SERPINI2: variants seen among roughly 807,000 people sequenced by gnomAD.
The protein encoded by SERPINI2 is serpin I2.
Under a neutral mutation model 47.3 loss-of-function variants are expected in SERPINI2, and 48 were observed. The ratio of observed to expected loss-of-function variants is 1.02; its 90% confidence interval spans 0.81 to 1.29. The LOEUF (loss-of-function observed/expected upper bound fraction) is 1.29. Among genes scored for constraint, SERPINI2 ranks in the 50% most tolerant of loss-of-function variants. The pLI, the probability that SERPINI2 is intolerant of heterozygous loss-of-function variation, is 0.00. For missense variants in SERPINI2, 448 were observed against 456.9 expected (o/e 0.98, Z 0.18); for synonymous variants, 135 against 149.3 (o/e 0.90, Z 0.70).
chr3:167,453,029 T>G (rs1452768493), exon 6 of SERPINI2: 2 of 1,530,820 alleles, frequency 1.3e-6, no homozygotes, highest in East Asian at 4.5e-5. Context: ...TGTTCTACTT[T>G]AAATCTGTTA....
intron 2 of SERPINI2, among the ~76,000 whole-genome samples, chr3:167,468,101 C>T (rs1179641729): frequency 6.6e-6 from 1 of 152,092 alleles, no homozygotes; most frequent in Non-Finnish European, 1.5e-5. Context: ...GTTTTCATTT[C>T]CTTCTGGCTT....
chr3:167,465,653 A>T lies in SERPINI2; in HGVS notation c.499T>A (p.Ser167Thr), dbSNP rs200591704. 526 of 1,608,698 alleles carry T rather than the reference A, an allele frequency of 3.3e-4. No homozygotes were observed. Among genetic ancestry groups the T allele is most frequent in the Non-Finnish European group, 4.2e-4 (492 of 1,178,784 alleles). The change falls in exon 4 of 9, where the codon TCA becomes ACA. Residue 167 changes from serine to threonine, a missense_variant. Transcript: ENST00000264677. ...GTCAGAGGGCCAAATTCTTCCCCTG[A>T]AAACATGTCTTTAATTTTTCCTAGG... is the stretch of plus-strand genomic sequence containing the variant.
intron 7 of SERPINI2, among the ~76,000 whole-genome samples, chr3:167,447,666 T>C (rs1480772113): frequency 6.6e-6 from 1 of 152,212 alleles, no homozygotes; most frequent in African/African-American, 2.4e-5. Flanking sequence ...CCACTTTACA[T>C]TGCTGGGCCT....
chr3:167,460,757 C>T (rs373328605), intron 5 of SERPINI2, among the ~76,000 whole-genome samples: 14 of 151,634 alleles, frequency 9.2e-5, no homozygotes, highest in East Asian at 5.8e-4. Flanking sequence ...TTAGAGTGAC[C>T]GGAAAGTTGA....
chr3:167,465,349 G>A (rs1577176453), exon 5 of SERPINI2: 3 of 1,610,618 alleles, frequency 1.9e-6, no homozygotes, highest in Non-Finnish European at 2.5e-6. Flanking sequence ...CATCACCTTT[G>A]TAAGACAATT....
chr3:167,455,593 C>CAAAAAAAA (rs11407272), intron 5 of SERPINI2, among the ~76,000 whole-genome samples: 1 of 123,242 alleles, frequency 8.1e-6, no homozygotes, highest in Non-Finnish European at 1.7e-5. Context: ...ATACGAGTCT[C>CAAAAAAAA]AAAAAAAAAA....
rs555948215 is a variant in SERPINI2, at chr3:167,464,009, C to CTTTTTTTTTT, written c.866+1187_866+1196dup. Among the ~76,000 whole-genome samples, 16 of 93,274 alleles carry CTTTTTTTTTT rather than the reference C, an allele frequency of 1.7e-4. 1 individual carries two copies. The highest frequency in any genetic ancestry group is 3.9e-4 in the South Asian group (1 of 2,570). The allele number at this position is 93,274 out of a possible 152,430, so 61.2% of individuals were successfully genotyped here. A position where few individuals can be genotyped will look rare whatever the true frequency, so the allele number is the denominator to read the frequency against. On this transcript the variant is annotated intron_variant, in intron 5 of 8. Coordinates refer to ENST00000264677, the Ensembl canonical transcript of SERPINI2. ...TGCAGTAGTTGAAGAACAGGAGTGG[C>CTTTTTTTTTT]TTTTTTTTTTTTTTTTTTTTTGGAT...
intron 5 of SERPINI2, among the ~76,000 whole-genome samples, chr3:167,454,853 T>C (rs1402660596): frequency 6.6e-6 from 1 of 152,198 alleles, no homozygotes; most frequent in Non-Finnish European, 1.5e-5. Flanking sequence ...AGATAAATTA[T>C]AGTTTTTAAT....
intron 5 of SERPINI2, among the ~76,000 whole-genome samples, chr3:167,456,535 C>T (rs527452101): frequency 7.6e-4 from 116 of 152,292 alleles, no homozygotes; most frequent in Middle Eastern, 3.4e-3. Flanking sequence ...CTCCTTGGTA[C>T]GGCTACTCCA....
chr3:167,462,575 T>A (rs1224394868), intron 5 of SERPINI2, among the ~76,000 whole-genome samples: 1 of 152,198 alleles, frequency 6.6e-6, no homozygotes, highest in Non-Finnish European at 1.5e-5. Context: ...TCTGTAAAAA[T>A]CTTGTCTCCA....
intron 5 of SERPINI2, among the ~76,000 whole-genome samples, chr3:167,453,884 T>TG (rs997822800): frequency 1.9e-4 from 28 of 150,056 alleles, no homozygotes; most frequent in African/African-American, 4.9e-4. Context: ...AAAGTGGGGG[T>TG]GGGGGGAAGC....
intron 5 of SERPINI2, among the ~76,000 whole-genome samples, chr3:167,463,971 CAGTTGCAGT>C (rs909086206): frequency 7.5e-5 from 11 of 145,926 alleles, no homozygotes; most frequent in Admixed American, 2.1e-4. Context: ...ACAAAATCAA[CAGTTGCAGT>C]AGTTGCAGTA....
At chr3:167,468,475 T>G (rs1407665336) in intron 2 of SERPINI2, among the ~76,000 whole-genome samples, 1 of 152,134 alleles carries the variant, frequency 6.6e-6, no homozygotes, top group African/African-American at 2.4e-5. Context: ...GAGGCTACAT[T>G]TCAGTCCCTA....
upstream of SERPINI2, among the ~76,000 whole-genome samples, chr3:167,476,543 C>T (rs1750482954): frequency 6.6e-6 from 1 of 152,054 alleles, no homozygotes; most frequent in African/African-American, 2.4e-5. Flanking sequence ...GAGAGAAGGT[C>T]TGTCTGTATG....
At chr3:167,461,862 C>G (rs1473493454) in intron 5 of SERPINI2, among the ~76,000 whole-genome samples, 1 of 151,924 alleles carries the variant, frequency 6.6e-6, no homozygotes, top group African/African-American at 2.4e-5. Context: ...TCAGGAGATC[C>G]TCCTGCCTTG....
chr3:167,452,643 G>A (rs755656100), intron 6 of SERPINI2, among the ~76,000 whole-genome samples: 7 of 152,216 alleles, frequency 4.6e-5, no homozygotes, highest in Non-Finnish European at 1.0e-4. Context: ...CAGATGAGGA[G>A]ATCCAAACAG....
intron 8 of SERPINI2, among the ~76,000 whole-genome samples, chr3:167,444,656 G>A (rs537851206): frequency 6.6e-6 from 1 of 152,246 alleles, no homozygotes; most frequent in African/African-American, 2.4e-5. Context: ...ACAACGGACA[G>A]TCCCTGATAA....
At chr3:167,449,007 A>C (rs1749563333) in intron 7 of SERPINI2, among the ~76,000 whole-genome samples, 1 of 152,238 alleles carries the variant, frequency 6.6e-6, no homozygotes, top group Non-Finnish European at 1.5e-5. Context: ...TAATGATTTT[A>C]TATTTGAGCC....
intron 5 of SERPINI2, among the ~76,000 whole-genome samples, chr3:167,455,889 G>T (rs949766563): frequency 6.6e-6 from 1 of 152,134 alleles, no homozygotes; most frequent in Admixed American, 6.5e-5. Context: ...GCACAGCACT[G>T]AAGGGGGAAA....
Sources: gnomAD v4.1 joint callset for allele counts (sites outside exome capture counted in the v4.1 genomes callset) on GRCh38, gnomAD v4.1.1 for gene constraint, MANE v1.5 for transcripts, NCBI Gene and HGNC (gene_info 2026-07-23, HGNC 2026-07-21) for gene names.